TNKS: variants seen among roughly 807,000 people sequenced by gnomAD.
TNKS encodes the protein poly [ADP-ribose] polymerase tankyrase-1.
In TNKS, 72 loss-of-function variants were observed where a neutral mutation model predicts 135.8. The observed-to-expected ratio is 0.53, with a 90% CI of 0.44 to 0.64. The LOEUF (loss-of-function observed/expected upper bound fraction) is 0.64. Ranked by LOEUF, TNKS falls within the 30% of genes least tolerant of loss-of-function variation. The probability of loss-of-function intolerance (pLI) is 0.00; values close to 1 mark genes in which losing one functional copy is unlikely to be tolerated. For synonymous variants in TNKS, 849 were observed against 649.3 expected (o/e 1.31, Z -4.68); for missense variants, 1,769 against 1,674.0 (o/e 1.06, Z -0.99).
intron 12 of TNKS, among the ~76,000 whole-genome samples, chr8:9,725,379 A>G (rs746110193): frequency 7.9e-5 from 12 of 152,240 alleles, no homozygotes; most frequent in African/African-American, 2.4e-5. Flanking sequence ...ACTTTGTTAT[A>G]TGAAACACTC....
At chr8:9,729,372 G>C (rs943939483) in intron 13 of TNKS, among the ~76,000 whole-genome samples, 3 of 152,162 alleles carry the variant, frequency 2.0e-5, no homozygotes, top group African/African-American at 7.2e-5. Context: ...GCTTATTACT[G>C]TGACGGAAGT....
At chr8:9,630,391 A>G (rs1184975400) in intron 3 of TNKS, among the ~76,000 whole-genome samples, 1 of 152,216 alleles carries the variant, frequency 6.6e-6, no homozygotes, top group Non-Finnish European at 1.5e-5. Context: ...GCTGGAATTG[A>G]CAATGAGAAG....
intron 20 of TNKS, among the ~76,000 whole-genome samples, chr8:9,756,536 G>A (rs1383924747): frequency 6.6e-6 from 1 of 151,116 alleles, no homozygotes; most frequent in Non-Finnish European, 1.5e-5. Context: ...TTTAAAAAAG[G>A]AGCAAGTTAA....
chr8:9,560,493 C>CTCTTTTTTTTTTTTT (rs1797281030), intron 1 of TNKS, among the ~76,000 whole-genome samples: 1 of 42,286 alleles, frequency 2.4e-5, no homozygotes, highest in African/African-American at 1.2e-4. Flanking sequence ...CCATACTTGT[C>CTCTTTTTTTTTTTTT]TTTTTTTTTT....
intron 1 of TNKS, among the ~76,000 whole-genome samples, chr8:9,562,516 T>G (rs545861316): frequency 6.6e-6 from 1 of 152,258 alleles, no homozygotes; most frequent in East Asian, 1.9e-4. Context: ...GTGTGTGGCA[T>G]TTTTCTATTC....
At chr8:9,653,107 G>A (rs529287299) in intron 3 of TNKS, among the ~76,000 whole-genome samples, 1 of 152,330 alleles carries the variant, frequency 6.6e-6, no homozygotes, top group African/African-American at 2.4e-5. Context: ...AAAGTTAGGG[G>A]AAGGGAAGAA....
At chr8:9,629,713 C>T (rs746580234) in intron 3 of TNKS, among the ~76,000 whole-genome samples, 4 of 152,224 alleles carry the variant, frequency 2.6e-5, no homozygotes, top group African/African-American at 7.2e-5. Flanking sequence ...GACGAAGTCT[C>T]GCTCTGTCGC....
intron 2 of TNKS, among the ~76,000 whole-genome samples, chr8:9,607,125 A>G (rs1408845868): frequency 6.6e-6 from 1 of 152,232 alleles, no homozygotes; most frequent in Non-Finnish European, 1.5e-5. Context: ...AGATATTAAA[A>G]AAAGAAGTTT....
At chr8:9,586,041 C>G (rs930706216) in intron 2 of TNKS, among the ~76,000 whole-genome samples, 2 of 152,012 alleles carry the variant, frequency 1.3e-5, no homozygotes, top group African/African-American at 4.8e-5. Context: ...GTGAAACACC[C>G]TTGTACAATA....
intron 3 of TNKS, among the ~76,000 whole-genome samples, chr8:9,628,584 C>G (rs1800158561): frequency 6.6e-6 from 1 of 151,972 alleles, no homozygotes; most frequent in Non-Finnish European, 1.5e-5. Flanking sequence ...GCTCCACATC[C>G]AGCTATGAGA....
intron 3 of TNKS, among the ~76,000 whole-genome samples, chr8:9,623,943 A>C (rs1049089405): frequency 2.0e-5 from 3 of 152,134 alleles, no homozygotes; most frequent in Non-Finnish European, 4.4e-5. Flanking sequence ...CAGAAGTTGC[A>C]GTGAACCGAG....
At chr8:9,730,481 A>G (rs11993880) in intron 13 of TNKS, among the ~76,000 whole-genome samples, 5,144 of 152,180 alleles carry the variant, frequency 0.034, 232 homozygotes, top group African/African-American at 0.1. Context: ...TAGAGACGGC[A>G]AGAGCTCTCT....
At chr8:9,608,690 G>T (rs1221757313) in intron 2 of TNKS, among the ~76,000 whole-genome samples, 1 of 152,136 alleles carries the variant, frequency 6.6e-6, no homozygotes, top group Non-Finnish European at 1.5e-5. Context: ...TTCCCATCCT[G>T]CAGACTCCAG....
intron 26 of TNKS, among the ~76,000 whole-genome samples, chr8:9,771,026 C>T (rs1044847376): frequency 4.6e-5 from 7 of 152,042 alleles, no homozygotes; most frequent in Non-Finnish European, 7.4e-5. Flanking sequence ...GGAAGTATTA[C>T]TATGATCTCA....
intron 1 of TNKS, among the ~76,000 whole-genome samples, chr8:9,566,977 A>T (rs567892419): frequency 7.2e-5 from 11 of 152,224 alleles, no homozygotes; most frequent in South Asian, 2.1e-4. Flanking sequence ...CCAGATTTAA[A>T]CCCAATCTGG....
chr8:9,704,685 C>CG lies in TNKS; in HGVS notation c.1133dup (p.Tyr379LeufsTer16). On this transcript the variant is annotated frameshift_variant, in exon 6 of 27. Coordinates refer to ENST00000310430, the MANE Select transcript of TNKS (RefSeq NM_003747.3). LOFTEE classifies it high-confidence loss of function. ...TAGTCGACTCCTTTACATCTAGCAG[C>CG]GGGCTACAACAGAGTTCGAATAGTT... The CG allele has an allele frequency of 6.2e-7, 1 of 1,612,964 alleles. No homozygotes were observed. Among genetic ancestry groups the CG allele is most frequent in the Non-Finnish European group, 8.5e-7 (1 of 1,179,196 alleles).
intron 3 of TNKS, among the ~76,000 whole-genome samples, chr8:9,622,867 G>A (rs1057006563): frequency 3.3e-5 from 5 of 152,132 alleles, no homozygotes; most frequent in Admixed American, 1.3e-4. Context: ...TACGTTCCAA[G>A]ACCCCCAGTG....
chr8:9,755,242 A>C (rs1254159020), intron 20 of TNKS, among the ~76,000 whole-genome samples: 1 of 152,170 alleles, frequency 6.6e-6, no homozygotes, highest in East Asian at 1.9e-4. Context: ...TGAATAGTTT[A>C]ATAGTTTAGT....
intron 1 of TNKS, among the ~76,000 whole-genome samples, chr8:9,574,782 A>T (rs980766107): frequency 1.3e-4 from 20 of 152,120 alleles, no homozygotes; most frequent in African/African-American, 4.3e-4. Flanking sequence ...TGGACAGATG[A>T]CACATTTTTG....
Sources: gnomAD v4.1 joint callset for allele counts (sites outside exome capture counted in the v4.1 genomes callset) on GRCh38, gnomAD v4.1.1 for gene constraint, MANE v1.5 for transcripts, NCBI Gene and HGNC (gene_info 2026-07-23, HGNC 2026-07-21) for gene names.